The following CCNA1 variants were observed in gnomAD, a reference collection of about 807,000 sequenced individuals.
The protein encoded by CCNA1 is cyclin-A1.
In CCNA1, 23 loss-of-function variants were observed where a neutral mutation model predicts 54.1. The observed-to-expected ratio is 0.42, with a 90% CI of 0.31 to 0.60. The LOEUF (loss-of-function observed/expected upper bound fraction) is 0.60, where lower values mean the gene tolerates loss of function less well. CCNA1 is among the 20% of genes least tolerant of loss of function. CCNA1 has a pLI of 0.14. For synonymous variants in CCNA1, 208 were observed against 213.9 expected, an observed-to-expected ratio of 0.97 and a Z score of 0.24; for missense variants, 450 against 556.7, an observed-to-expected ratio of 0.81 and a Z score of 1.93.
chr13:36,434,184 T>C (rs1258959033), intron 2 of CCNA1, among the ~76,000 whole-genome samples: 2 of 152,216 alleles, frequency 1.3e-5, no homozygotes, highest in Admixed American at 6.5e-5. Context: ...GGCAGACATC[T>C]TCCCAGTACT....
In CCNA1 at chr13:36,434,832, C is replaced by CCA. The variant is rs1555270076; in HGVS notation, c.297+1612_297+1613insAC. Among the ~76,000 whole-genome samples the CCA allele has an allele frequency of 3.5e-4, 42 of 120,530 alleles. 1 individual carries two copies. The highest frequency in any genetic ancestry group is 1.2e-3 in the African/African-American group (42 of 35,486). 79.1% of individuals were successfully genotyped at this position (120,530 alleles called of 152,430 possible). A position where few individuals can be genotyped will look rare whatever the true frequency, so the allele number is the denominator to read the frequency against. ...CCCTGCTGTCATGAGAGGTGCCCCC[C>CCA]CCCCCGCGCCATGCGTACAATATAC... On this transcript the variant is annotated intron_variant, in intron 2 of 8. Coordinates refer to ENST00000255465, the MANE Select transcript of CCNA1 (RefSeq NM_003914.4).
intron 6 of CCNA1, among the ~76,000 whole-genome samples, chr13:36,440,585 T>C (rs530206851): frequency 6.6e-6 from 1 of 152,190 alleles, no homozygotes; most frequent in Non-Finnish European, 1.5e-5. Context: ...AGAACTTTAG[T>C]TGAAGGCATT....
intron 2 of CCNA1, 46 bp downstream of exon 2, chr13:36,433,267 C>G (rs1458374356): frequency 2.7e-6 from 4 of 1,502,320 alleles, no homozygotes; most frequent in East Asian, 4.6e-5. Context: ...GAGAACAGCT[C>G]TCCTGCTTTG....
intron 2 of CCNA1, 75 bp from the exon 3 acceptor site, chr13:36,437,554 T>A (rs2055820288): frequency 1.4e-6 from 2 of 1,436,202 alleles, no homozygotes; most frequent in Non-Finnish European, 9.6e-7. Context: ...AGGCTGTTGG[T>A]TTGAGTCATG....
intron 2 of CCNA1, 148 bp downstream of exon 2, chr13:36,433,369 A>C: frequency 2.9e-6 from 1 of 339,424 alleles, no homozygotes; most frequent in African/African-American, 2.6e-5. Context: ...TGATTGATTT[A>C]TTTTCTTTCT....
chr13:36,438,884 C>T lies in CCNA1; in HGVS notation c.893+17C>T, dbSNP rs771741515. ...TTTGGCTTCGTAAGTGTTCTTTCAG[C>T]TTGCATAATATGAAACTATCACTTG... On this transcript the variant is annotated intron_variant, in intron 5 of 8. Coordinates refer to ENST00000255465, the MANE Select transcript of CCNA1 (RefSeq NM_003914.4). The T allele has an allele frequency of 1.3e-6, 2 of 1,574,054 alleles. No homozygotes were observed. Among genetic ancestry groups the T allele is most frequent in the Non-Finnish European group, 1.7e-6 (2 of 1,143,724 alleles).
intron 2 of CCNA1, 117 bp from the exon 3 acceptor site, chr13:36,437,495 TTAAATTGCCGACATAGA>T: frequency 1.2e-6 from 1 of 834,222 alleles, no homozygotes; most frequent in Non-Finnish European, 1.9e-6. Flanking sequence ...TTTTTTGGAA[TTAAATTGCCGACATAGA>T]TTTTTCAGTT....
rs1310346481 is a variant in CCNA1, at chr13:36,442,613, G to A, written c.1347-1G>A. 1 of 1,613,966 alleles carries A rather than the reference G, an allele frequency of 6.2e-7. No homozygotes were observed. The highest frequency in any genetic ancestry group is 1.1e-5 in the South Asian group (1 of 91,036). On this transcript the variant is annotated splice_acceptor_variant, in intron 8 of 8. Coordinates refer to ENST00000255465, the MANE Select transcript of CCNA1 (RefSeq NM_003914.4). LOFTEE classifies it high-confidence loss of function. ...TGACCTTGCTTTGGGTCTTGTTTCA[G>A]GTACCTGTGTGTGTCCCTCATGGAG...
Position 36,432,667 on chromosome 13 carries a change from G to A in CCNA1, c.46G>A (p.Gly16Arg). Residue 16 changes from glycine to arginine, a missense_variant, in exon 1 of 9, where the codon GGG becomes AGG. Physicochemically the swap from Gly to Arg is moderately radical, Grantham distance 125 (BLOSUM62 -2). Around this residue, in one of 6 missense-constraint regions of CCNA1, gnomAD observed 103 missense variants for 100.9 expected, o/e 1.02. Transcript: ENST00000255465. Reference sequence around the variant, plus strand: ...AATCATGTACCCTGGATCTTTTATTGGGGGCTGGGGAGAAGAGTATCTCAG... The same window carrying A: ...AATCATGTACCCTGGATCTTTTATTAGGGGCTGGGGAGAAGAGTATCTCAG... 3 of 1,610,570 alleles carry A rather than the reference G, an allele frequency of 1.9e-6. No homozygotes were observed. Among genetic ancestry groups the A allele is most frequent in the Non-Finnish European group, 2.5e-6 (3 of 1,178,650 alleles).
At chr13:36,440,388 G>A (rs1245304978) in intron 6 of CCNA1, among the ~76,000 whole-genome samples, 3 of 152,110 alleles carry the variant, frequency 2.0e-5, no homozygotes, top group Non-Finnish European at 4.4e-5. Context: ...TGGCAGGCAC[G>A]GGTTGTCTAA....
rs574955999 is a variant in CCNA1 at position 36,440,197 on chromosome 13, G to A, written c.1098+14G>A. 53 of 1,606,678 alleles carry A rather than the reference G, an allele frequency of 3.3e-5. No homozygotes were observed. Among genetic ancestry groups the A allele is most frequent in the Admixed American group, 1.7e-4 (10 of 59,814 alleles). Reference sequence around the variant, plus strand: ...AACCTGGCTAAGGTGTGTATGCCGCGTGATTTCTAGGAACTTCCAGTGCCA... The same window carrying A: ...AACCTGGCTAAGGTGTGTATGCCGCATGATTTCTAGGAACTTCCAGTGCCA... On this transcript the variant is annotated intron_variant, in intron 6 of 8. Transcript: ENST00000255465.
intron 2 of CCNA1, among the ~76,000 whole-genome samples, chr13:36,434,896 A>C (rs2055783405): frequency 6.9e-6 from 1 of 144,340 alleles, no homozygotes; most frequent in Non-Finnish European, 1.5e-5. Context: ...TACTCTAGCC[A>C]CTTTTCTTTC....
chr13:36,434,638 C>T (rs1476556638), intron 2 of CCNA1, among the ~76,000 whole-genome samples: 1 of 151,742 alleles, frequency 6.6e-6, no homozygotes, highest in East Asian at 1.9e-4. Flanking sequence ...TATTTTGTAC[C>T]TTCCCTTCTC....
rs542071936 is a variant in CCNA1, at chr13:36,441,879, G to C, written c.1213-292G>C. Among the ~76,000 whole-genome samples, 14 of 152,084 alleles carry C rather than the reference G, an allele frequency of 9.2e-5. No individual in the cohort carries two copies. In the East Asian group the frequency reaches 1.4e-3, roughly 15 times the overall value. ...TTTCATGTTGTGTACAAATAGAATG[G>C]TCAGGCAAGCAGGGCTCTATAAGGA... On this transcript the variant is annotated intron_variant, in intron 7 of 8. Transcript: ENST00000255465.
At chr13:36,437,552 G>C in intron 2 of CCNA1, 77 bp from the exon 3 acceptor site, 3 of 1,385,994 alleles carry the variant, frequency 2.2e-6, no homozygotes, top group Non-Finnish European at 3.0e-6. Context: ...CCAGGCTGTT[G>C]GTTTGAGTCA....
At chr13:36,440,293 GC>G in intron 6 of CCNA1, 110 bp downstream of exon 6, 1 of 994,718 alleles carries the variant, frequency 1.0e-6, no homozygotes, top group Non-Finnish European at 1.5e-6. Flanking sequence ...CTTCCCACAG[GC>G]CCAGAAAAAC....
rs1274416158 is a variant in CCNA1, at chr13:36,432,557, C to G, written c.-65C>G. Reference sequence around the variant, plus strand: ...AGCGGGGCCCGCTTTGGGGTCCAGGCAGGTTTTGGGGCCTCCTGTCTGGTG... The same window carrying G: ...AGCGGGGCCCGCTTTGGGGTCCAGGGAGGTTTTGGGGCCTCCTGTCTGGTG... On this transcript the variant is annotated 5_prime_UTR_variant, in exon 1 of 9. Coordinates refer to ENST00000255465, the MANE Select transcript of CCNA1 (RefSeq NM_003914.4). 2.1e-6 allele frequency: 2 copies of G among 940,652 alleles called. No homozygotes were observed. The highest frequency in any genetic ancestry group is 1.6e-6 in the Non-Finnish European group (1 of 622,894). The allele number at this position is 940,652 out of a possible 1,614,324, so 58.3% of individuals were successfully genotyped here. A position where few individuals can be genotyped will look rare whatever the true frequency, so the allele number is the denominator to read the frequency against.
intron 7 of CCNA1, 46 bp downstream of exon 7, chr13:36,441,277 A>T: frequency 8.3e-7 from 1 of 1,206,338 alleles, no homozygotes; most frequent in Non-Finnish European, 1.2e-6. Context: ...GTCTATCTAG[A>T]ATGGGCTTGC....
upstream of CCNA1, chr13:36,432,312 G>T (rs893226768): frequency 3.0e-6 from 1 of 329,582 alleles, no homozygotes; most frequent in Non-Finnish European, 5.5e-6. Context: ...CGCTAAGCCC[G>T]GCCGCCTCCC....
Sources: allele counts gnomAD v4.1 joint callset (sites outside exome capture counted in the v4.1 genomes callset), GRCh38; gene constraint gnomAD v4.1.1; regional missense constraint gnomAD v4.1.1; transcripts MANE v1.5; gene names NCBI Gene and HGNC (gene_info 2026-07-23, HGNC 2026-07-21).